Variants in AAMDC observed in about 807,000 individuals in gnomAD.
The protein encoded by AAMDC is adipogenesis associated Mth938 domain containing, also known as mth938 domain-containing protein.
A neutral mutation model predicts 15.5 loss-of-function variants in AAMDC; 16 were observed. The observed-to-expected ratio is 1.03, with a 90% CI of 0.70 to 1.57. The LOEUF (loss-of-function observed/expected upper bound fraction) is 1.57, where lower values mean the gene tolerates loss of function less well. Ranked by LOEUF, AAMDC falls within the 40% of genes most tolerant of loss-of-function variation. The pLI, the probability that AAMDC is intolerant of heterozygous loss-of-function variation, is 0.00. For synonymous variants in AAMDC, 51 were observed against 51.6 expected (o/e 0.99, Z 0.05); for missense variants, 141 against 144.9 (o/e 0.97, Z 0.14).
At chr11:77,887,912 T>G (rs987518228) in intron 5 of AAMDC, among the ~76,000 whole-genome samples, 2 of 151,972 alleles carry the variant, frequency 1.3e-5, no homozygotes, top group African/African-American at 2.4e-5. Context: ...CACTGCTCAA[T>G]GAAATAAAAG....
Position 77,872,335 on chromosome 11 carries a change from T to C in AAMDC, c.*20T>C. ...TGCTGATGGAGCCTTAAGAGGAGAATAAATCACTAAGTGCCTATGCCTGTG... is the reference window on the plus strand; with the variant it reads ...TGCTGATGGAGCCTTAAGAGGAGAACAAATCACTAAGTGCCTATGCCTGTG... On this transcript the variant is annotated 3_prime_UTR_variant, in exon 4 of 4. Coordinates refer to ENST00000393427, the MANE Select transcript of AAMDC (RefSeq NM_024684.4). 1 of 1,601,732 alleles carries C rather than the reference T, an allele frequency of 6.2e-7. No homozygotes were observed. The highest frequency in any genetic ancestry group is 8.5e-7 in the Non-Finnish European group (1 of 1,174,790).
intron 1 of AAMDC, among the ~76,000 whole-genome samples, chr11:77,836,493 C>G (rs1164692401): frequency 6.6e-6 from 1 of 152,142 alleles, no homozygotes; most frequent in East Asian, 1.9e-4. Context: ...CTATTGGCAC[C>G]TTGATCTTGG....
At chr11:77,858,302 C>CTTTTTTTTTTTTTTTTTTTTTTTT (rs71473358) in intron 2 of AAMDC, among the ~76,000 whole-genome samples, 2 of 69,348 alleles carry the variant, frequency 2.9e-5, no homozygotes, top group African/African-American at 1.2e-4. Context: ...TTAAGCAATT[C>CTTTTTTTTTTTTTTTTTTTTTTTT]TTTTTTTTTT....
At chr11:77,846,757 G>A (rs1950165808) in intron 2 of AAMDC, among the ~76,000 whole-genome samples, 1 of 152,124 alleles carries the variant, frequency 6.6e-6, no homozygotes, top group African/African-American at 2.4e-5. Context: ...GGATTTCTTG[G>A]TGATCTCTCC....
intron 2 of AAMDC, among the ~76,000 whole-genome samples, chr11:77,846,819 G>C (rs1295583154): frequency 6.6e-6 from 1 of 152,094 alleles, no homozygotes; most frequent in African/African-American, 2.4e-5. Flanking sequence ...AATTTGTCTT[G>C]TATTCTAAGT....
chr11:77,842,867 G>A (rs779625172), intron 2 of AAMDC, among the ~76,000 whole-genome samples: 6 of 152,172 alleles, frequency 3.9e-5, no homozygotes, highest in African/African-American at 9.7e-5. Context: ...ACCACTGTTA[G>A]TTCCAGAATA....
rs1341041232 is a variant in AAMDC, at chr11:77,899,526, C to T, written c.329-1045C>T. On this transcript the variant is annotated intron_variant, in intron 5 of 5. Coordinates refer to the AAMDC transcript ENST00000304716. ...TCTCTACTGAAAATACAAAATTAGC[C>T]GGGCATGGTGTTGCATGCCTGTAAT... Among the ~76,000 whole-genome samples the T allele has an allele frequency of 5.3e-5, 8 of 151,526 alleles. 1 individual carries two copies. Among genetic ancestry groups the T allele is most frequent in the Admixed American group, 2.6e-4 (4 of 15,230 alleles).
chr11:77,826,698 T>C (rs377602084), intron 1 of AAMDC, among the ~76,000 whole-genome samples: 11 of 152,308 alleles, frequency 7.2e-5, no homozygotes, highest in African/African-American at 2.6e-4. Context: ...TATAACTGTA[T>C]GCCTGCAAAT....
At chr11:77,902,785 A>C (rs918331973), downstream of AAMDC, among the ~76,000 whole-genome samples, 7 of 152,204 alleles carry the variant, frequency 4.6e-5, no homozygotes, top group African/African-American at 1.7e-4. Context: ...TCAGGTGCAA[A>C]GGGGAATGAC....
downstream of AAMDC, chr11:77,872,479 T>G (rs1951476411): frequency 1.4e-6 from 1 of 725,690 alleles, no homozygotes; most frequent in Non-Finnish European, 2.1e-6. Context: ...TCCCTGTCCT[T>G]GAGGGTGCTA....
intron 1 of AAMDC, among the ~76,000 whole-genome samples, chr11:77,840,050 G>A (rs12417760): frequency 0.14 from 21,538 of 151,828 alleles, 1,725 homozygotes; most frequent in Admixed American, 0.2. Flanking sequence ...AGGGTTGATA[G>A]CATGTTATCA....
intron 5 of AAMDC, among the ~76,000 whole-genome samples, chr11:77,880,278 C>T (rs1370291926): frequency 1.3e-5 from 2 of 152,198 alleles, no homozygotes; most frequent in South Asian, 2.1e-4. Context: ...CAGACCTCTT[C>T]CTGGTTACAT....
intron 5 of AAMDC, among the ~76,000 whole-genome samples, chr11:77,889,485 A>G (rs1952169189): frequency 6.6e-6 from 1 of 152,180 alleles, no homozygotes; most frequent in South Asian, 2.1e-4. Context: ...AGCATGGCAC[A>G]TGTATACAGA....
At chr11:77,834,970 A>G (rs1949618555) in intron 1 of AAMDC, among the ~76,000 whole-genome samples, 2 of 152,204 alleles carry the variant, frequency 1.3e-5, no homozygotes, top group African/African-American at 4.8e-5. Context: ...TCCGAAGGGT[A>G]TCCATATTTT....
At chr11:77,849,760 T>C (rs749891329) in intron 2 of AAMDC, among the ~76,000 whole-genome samples, 9 of 152,216 alleles carry the variant, frequency 5.9e-5, no homozygotes, top group Non-Finnish European at 8.8e-5. Flanking sequence ...AAACCTGTCA[T>C]GATCTTTCTT....
In AAMDC at chr11:77,842,320, T is replaced by C. The variant is rs185318796; in HGVS notation, c.-18-159T>C. 4.3e-4 allele frequency among the ~76,000 whole-genome samples: 66 copies of C among 152,360 alleles called. No individual in the cohort carries two copies. The East Asian group carries it at 0.011, about 25-fold the overall frequency. On this transcript the variant is annotated intron_variant, in intron 1 of 3. Transcript: ENST00000393427. ...GTTGGATGATTCAGGATTCCAGGAATAATAGTTACTTTTTAGACCTCTAAA... is the reference window on the plus strand; with the variant it reads ...GTTGGATGATTCAGGATTCCAGGAACAATAGTTACTTTTTAGACCTCTAAA...
chr11:77,871,153 A>G (rs996760487), intron 3 of AAMDC, among the ~76,000 whole-genome samples: 3 of 152,206 alleles, frequency 2.0e-5, no homozygotes, highest in Non-Finnish European at 4.4e-5. Context: ...CATTACAATA[A>G]TTCCTATCTG....
intron 2 of AAMDC, among the ~76,000 whole-genome samples, chr11:77,852,176 C>T (rs1452501838): frequency 1.6e-5 from 2 of 123,714 alleles, no homozygotes; most frequent in East Asian, 4.9e-4. Context: ...GAGGTCAAGG[C>T]TGCAGTGAGC....
At chr11:77,904,518 T>C (rs1952880905), downstream of AAMDC, among the ~76,000 whole-genome samples, 1 of 152,222 alleles carries the variant, frequency 6.6e-6, no homozygotes, top group East Asian at 1.9e-4. Flanking sequence ...AGAAATCCAG[T>C]GTGTATTTTG....
Sources: gnomAD v4.1 joint callset for allele counts (sites outside exome capture counted in the v4.1 genomes callset) on GRCh38, gnomAD v4.1.1 for gene constraint, MANE v1.5 for transcripts, NCBI Gene and HGNC (gene_info 2026-07-23, HGNC 2026-07-21) for gene names.